The following RGS7 variants were observed in gnomAD, a reference collection of about 807,000 sequenced individuals.
RGS7 encodes regulator of G-protein signaling 7.
Under a neutral mutation model 81.1 loss-of-function variants are expected in RGS7, and 27 were observed. The ratio of observed to expected loss-of-function variants is 0.33; its 90% CI spans 0.25 to 0.46. RGS7 has a LOEUF of 0.46. Ranked by LOEUF, RGS7 falls within the 20% of genes least tolerant of loss-of-function variation. The pLI, the probability that RGS7 is intolerant of heterozygous loss-of-function variation, is 1.00. For synonymous variants in RGS7, 208 were observed against 207.7 expected (o/e 1.00, Z -0.01); for missense variants, 396 against 607.4 (o/e 0.65, Z 3.66).
intron 2 of RGS7, among the ~76,000 whole-genome samples, chr1:241,253,578 T>G (rs1020221052): frequency 2.0e-5 from 3 of 152,224 alleles, no homozygotes; most frequent in African/African-American, 7.2e-5. Context: ...GCTCTCCCTC[T>G]GACCCTCCAT....
At chr1:241,290,070 G>A (rs1274696351) in intron 2 of RGS7, among the ~76,000 whole-genome samples, 2 of 152,192 alleles carry the variant, frequency 1.3e-5, no homozygotes, top group African/African-American at 2.4e-5. Context: ...TTTATATACT[G>A]GTTAGTGGTA....
At chr1:241,024,122 A>C (rs2059675876) in intron 3 of RGS7, among the ~76,000 whole-genome samples, 1 of 152,202 alleles carries the variant, frequency 6.6e-6, no homozygotes, top group Non-Finnish European at 1.5e-5. Flanking sequence ...TAATTTATCC[A>C]GGACTGTAAC....
At chr1:241,272,916 ATCTC>A (rs2077991886) in intron 2 of RGS7, among the ~76,000 whole-genome samples, 1 of 151,804 alleles carries the variant, frequency 6.6e-6, no homozygotes, top group African/African-American at 2.4e-5. Context: ...TATCATTTCT[ATCTC>A]TCTAAGATTT....
At chr1:241,285,263 A>G (rs1395472394) in intron 2 of RGS7, among the ~76,000 whole-genome samples, 2 of 152,052 alleles carry the variant, frequency 1.3e-5, no homozygotes, top group East Asian at 3.9e-4. Flanking sequence ...GCCCATTGGC[A>G]TTGCTGGGTT....
At chr1:240,865,076 AC>A (rs1662986864) in intron 9 of RGS7, among the ~76,000 whole-genome samples, 1 of 151,800 alleles carries the variant, frequency 6.6e-6, no homozygotes, top group Non-Finnish European at 1.5e-5. Context: ...AGCTGCTTTT[AC>A]CCATATAATC....
intron 2 of RGS7, among the ~76,000 whole-genome samples, chr1:241,155,264 C>G (rs968819067): frequency 6.6e-6 from 1 of 152,080 alleles, no homozygotes; most frequent in Non-Finnish European, 1.5e-5. Flanking sequence ...CGAGGCCCAG[C>G]TAATTTTTGT....
chr1:241,082,497 G>A (rs1383231405), intron 3 of RGS7, among the ~76,000 whole-genome samples: 6 of 152,264 alleles, frequency 3.9e-5, no homozygotes, highest in South Asian at 4.1e-4. Context: ...CATCTTGGTC[G>A]TATCAGATGG....
At chr1:240,923,713 GAAAAAAAAAAAACAC>G (rs1673959407) in intron 6 of RGS7, among the ~76,000 whole-genome samples, 1 of 140,138 alleles carries the variant, frequency 7.1e-6, no homozygotes, top group Non-Finnish European at 1.5e-5. Flanking sequence ...GAATCCAGAT[GAAAAAAAAAAAACAC>G]ACACAATTTG....
At chr1:241,135,960 CAAAAAAA>C (rs61617683) in intron 2 of RGS7, among the ~76,000 whole-genome samples, 1 of 74,328 alleles carries the variant, frequency 1.3e-5, no homozygotes, top group Non-Finnish European at 3.5e-5. Flanking sequence ...ATGATAATGA[CAAAAAAA>C]AAAAAAAAAC....
chr1:241,266,606 T>A (rs1173777491), intron 2 of RGS7, among the ~76,000 whole-genome samples: 1 of 152,238 alleles, frequency 6.6e-6, no homozygotes, highest in Non-Finnish European at 1.5e-5. Flanking sequence ...GCCAGGCCTA[T>A]TCCACTTGTA....
intron 3 of RGS7, among the ~76,000 whole-genome samples, chr1:241,075,954 A>T (rs1426165189): frequency 6.6e-6 from 1 of 152,190 alleles, no homozygotes; most frequent in African/African-American, 2.4e-5. Context: ...TTTTGAACAT[A>T]TCTTCTAGGT....
chr1:240,991,691 C>T (rs1045168574), intron 3 of RGS7, among the ~76,000 whole-genome samples: 1 of 152,082 alleles, frequency 6.6e-6, no homozygotes, highest in African/African-American at 2.4e-5. Context: ...TTCTATGGTT[C>T]TTTAGACTCA....
At chr1:241,055,055 A>G (rs1210596254) in intron 3 of RGS7, among the ~76,000 whole-genome samples, 4 of 152,238 alleles carry the variant, frequency 2.6e-5, no homozygotes, top group African/African-American at 9.6e-5. Context: ...AAAATGCCAC[A>G]GTGCACCATA....
intron 14 of RGS7, among the ~76,000 whole-genome samples, chr1:240,806,597 C>T (rs10926357): frequency 0.62 from 92,635 of 149,822 alleles, 29,382 homozygotes; most frequent in Non-Finnish European, 0.7. Context: ...TATAAAGAAA[C>T]ATGAAAAACT....
intron 3 of RGS7, among the ~76,000 whole-genome samples, chr1:241,070,476 T>C (rs80042790): frequency 0.03 from 4,568 of 152,300 alleles, 83 homozygotes; most frequent in Middle Eastern, 0.058. Flanking sequence ...GCACGACTGC[T>C]TTTTAAGTTC....
chr1:241,117,104 A>G lies in RGS7; in HGVS notation c.79-18342T>C, dbSNP rs2065932095. On this transcript the variant is annotated intron_variant, in intron 2 of 18. Coordinates refer to ENST00000440928, the MANE Select transcript of RGS7 (RefSeq NM_001364886.1). ...ACAATGGAAGATTATATTTCAAAAA[A>G]AACACGGCAAAAATGCATGTCAGCT... 2.0e-5 allele frequency among the ~76,000 whole-genome samples: 3 copies of G among 152,190 alleles called. No homozygotes were observed. The South Asian group carries it at 6.2e-4, about 31-fold the overall frequency.
At chr1:241,244,930 G>A in intron 2 of RGS7, among the ~76,000 whole-genome samples, 1 of 145,968 alleles carries the variant, frequency 6.9e-6, no homozygotes, top group East Asian at 2.1e-4. Context: ...ACACAGGAAG[G>A]GGAACATCAC....
intron 4 of RGS7, among the ~76,000 whole-genome samples, chr1:240,975,869 T>C (rs146064223): frequency 1.3e-4 from 20 of 152,378 alleles, no homozygotes; most frequent in African/African-American, 4.8e-4. Context: ...TGGAAGAACG[T>C]TGCCAGTAAT....
At chr1:240,926,228 C>A (rs529446697) in intron 6 of RGS7, among the ~76,000 whole-genome samples, 32 of 152,204 alleles carry the variant, frequency 2.1e-4, no homozygotes, top group African/African-American at 6.0e-4. Flanking sequence ...AGGCCATTGT[C>A]CAGAATGGTA....
Sources: allele counts gnomAD v4.1 joint callset (sites outside exome capture counted in the v4.1 genomes callset), GRCh38; gene constraint gnomAD v4.1.1; transcripts MANE v1.5; gene names NCBI Gene and HGNC (gene_info 2026-07-23, HGNC 2026-07-21).